The following LUZP2 variants were observed in gnomAD, a reference collection of about 807,000 sequenced individuals.
LUZP2 encodes leucine zipper protein 2.
In LUZP2, 52 loss-of-function variants were observed where a neutral mutation model predicts 51.6. The ratio of observed to expected loss-of-function variants is 1.01; its 90% CI spans 0.81 to 1.27. The LOEUF is 1.27. LUZP2 is among the 50% of genes most tolerant of loss of function. The pLI, the probability that LUZP2 is intolerant of heterozygous loss-of-function variation, is 0.00. For synonymous variants in LUZP2, 154 were observed against 137.3 expected, an observed-to-expected ratio of 1.12 and a Z score of -0.85; for missense variants, 436 against 395.4, an observed-to-expected ratio of 1.10 and a Z score of -0.87.
Position 24,729,211 on chromosome 11 carries a change from T to C in LUZP2, c.105T>C (p.Phe35=). ...TAGAAAAGCAGCTGAAAGAAGTCTT[T>C]AAGGAGCGAAGCACCATTCTTCGTC... ...EELEKQLKEV[F]KERSTILRQL... Residue 35 remains phenylalanine, a synonymous_variant, in exon 2 of 12, where the codon TTT becomes TTC. Coordinates refer to ENST00000336930, the MANE Select transcript of LUZP2 (RefSeq NM_001009909.4). The C allele has an allele frequency of 1.3e-6, 2 of 1,579,520 alleles. No homozygotes were observed. Among genetic ancestry groups the C allele is most frequent in the Non-Finnish European group, 1.7e-6 (2 of 1,156,914 alleles).
At chr11:24,550,189 TTGCTATA>T (rs1851683579) in intron 1 of LUZP2, among the ~76,000 whole-genome samples, 1 of 152,104 alleles carries the variant, frequency 6.6e-6, no homozygotes, top group Admixed American at 6.6e-5. Context: ...CTGATACTAA[TTGCTATA>T]AATGTCAGTG....
At chr11:24,509,255 C>G (rs989272984) in intron 1 of LUZP2, among the ~76,000 whole-genome samples, 1 of 152,034 alleles carries the variant, frequency 6.6e-6, no homozygotes, top group Admixed American at 6.6e-5. Flanking sequence ...ATGATAATAA[C>G]AGCCAGATTT....
intron 10 of LUZP2, among the ~76,000 whole-genome samples, chr11:25,073,946 C>T (rs1489206170): frequency 6.6e-6 from 1 of 152,188 alleles, no homozygotes; most frequent in Non-Finnish European, 1.5e-5. Flanking sequence ...ACCCATTTTA[C>T]AGCCAAAGAA....
chr11:25,028,768 T>C (rs1404720083), intron 9 of LUZP2, among the ~76,000 whole-genome samples: 1 of 152,138 alleles, frequency 6.6e-6, no homozygotes, highest in Non-Finnish European at 1.5e-5. Context: ...CATAAGATAG[T>C]CCTAGGGTCT....
At chr11:25,013,441 T>C (rs1857037652) in intron 9 of LUZP2, among the ~76,000 whole-genome samples, 2 of 152,160 alleles carry the variant, frequency 1.3e-5, no homozygotes, top group South Asian at 2.1e-4. Context: ...GAAAATTAAT[T>C]AATTAGTTTA....
chr11:24,999,237 T>C (rs552767181), intron 9 of LUZP2, among the ~76,000 whole-genome samples: 1 of 152,236 alleles, frequency 6.6e-6, no homozygotes, highest in South Asian at 2.1e-4. Flanking sequence ...CCTTCAATTA[T>C]ACTTCTAAAA....
intron 9 of LUZP2, among the ~76,000 whole-genome samples, chr11:25,027,717 A>G (rs984617252): frequency 2.4e-4 from 36 of 152,080 alleles, no homozygotes; most frequent in Non-Finnish European, 5.1e-4. Flanking sequence ...TAAAAATAAA[A>G]AAATTAGCCG....
At chr11:24,704,530 C>T (rs924385959) in intron 1 of LUZP2, among the ~76,000 whole-genome samples, 6 of 151,126 alleles carry the variant, frequency 4.0e-5, no homozygotes, top group African/African-American at 1.2e-4. Flanking sequence ...TTAGTTTGCA[C>T]TGACATTACC....
intron 1 of LUZP2, among the ~76,000 whole-genome samples, chr11:24,694,129 T>A (rs1857165225): frequency 6.6e-6 from 1 of 152,046 alleles, no homozygotes; most frequent in Non-Finnish European, 1.5e-5. Flanking sequence ...AAGGCAACAG[T>A]TTTTAAATAT....
chr11:24,543,147 A>G lies in LUZP2; in HGVS notation c.62+45842A>G, dbSNP rs368825578. ...ATATTTAATTGTAGGACAGATAATT[A>G]TATTAGGTGGTTTCAATTTGTATAT... is the stretch of plus-strand genomic sequence containing the variant. On this transcript the variant is annotated intron_variant, in intron 1 of 11. Transcript: ENST00000336930. Among the ~76,000 whole-genome samples, 3 of 152,050 alleles carry G rather than the reference A, an allele frequency of 2.0e-5. No homozygotes were observed. The South Asian group carries it at 6.2e-4, about 31-fold the overall frequency.
intron 5 of LUZP2, among the ~76,000 whole-genome samples, chr11:24,877,697 A>G (rs1054990044): frequency 3.3e-5 from 5 of 152,054 alleles, no homozygotes; most frequent in Non-Finnish European, 7.4e-5. Flanking sequence ...CAGTTTTTCT[A>G]ACTATATTTT....
chr11:25,045,174 T>A (rs907692210), intron 9 of LUZP2, among the ~76,000 whole-genome samples: 2 of 151,976 alleles, frequency 1.3e-5, no homozygotes, highest in South Asian at 2.1e-4. Flanking sequence ...AACCTGCACG[T>A]TGTGCACATG....
intron 1 of LUZP2, among the ~76,000 whole-genome samples, chr11:24,584,197 G>A (rs74483719): frequency 0.01 from 1,571 of 152,190 alleles, 23 homozygotes; most frequent in African/African-American, 0.036. Flanking sequence ...GGACTTGTAT[G>A]GACAGACCAA....
chr11:24,519,933 A>T (rs1850590370), intron 1 of LUZP2, among the ~76,000 whole-genome samples: 1 of 152,238 alleles, frequency 6.6e-6, no homozygotes, highest in Non-Finnish European at 1.5e-5. Context: ...CTAGTAACTC[A>T]ATATAACAAC....
chr11:24,870,627 A>G (rs2134266089), intron 5 of LUZP2, among the ~76,000 whole-genome samples: 1 of 152,234 alleles, frequency 6.6e-6, no homozygotes, highest in East Asian at 1.9e-4. Context: ...CTTGCAATAA[A>G]TCCTCCAAAA....
intron 5 of LUZP2, among the ~76,000 whole-genome samples, chr11:24,806,536 CA>C (rs1360853127): frequency 6.6e-6 from 1 of 151,962 alleles, no homozygotes; most frequent in African/African-American, 2.4e-5. Flanking sequence ...AAGGGAGGAG[CA>C]TTAAGTTCAT....
Position 24,919,929 on chromosome 11 carries a change from A to C in LUZP2, c.522+5391A>C, listed in dbSNP as rs113412108. 4.7e-3 allele frequency among the ~76,000 whole-genome samples: 719 copies of C among 151,858 alleles called. 6 individuals are homozygous for C. Among genetic ancestry groups the C allele is most frequent in the Middle Eastern group, 0.024 (7 of 290 alleles). On this transcript the variant is annotated intron_variant, in intron 7 of 11. Transcript: ENST00000336930. ...ATGTTTTATTAAAGAAACAAAAATA[A>C]ATAATTGGTTAGCTAAGAAATTTTA...
At position 24,961,523 on chromosome 11, in the gene LUZP2, A is replaced by T. The variant is rs1377338998; in HGVS notation, c.523-15068A>T. 2.0e-5 allele frequency among the ~76,000 whole-genome samples: 3 copies of T among 151,702 alleles called. No individual in the cohort carries two copies. The East Asian group carries it at 5.8e-4, about 30-fold the overall frequency. ...GTAATGGCCTTCTTTGTCTCTTTTG[A>T]TCTTTGTTGGTTTAAAGTCTGTTTT... On this transcript the variant is annotated intron_variant, in intron 7 of 11. Coordinates refer to ENST00000336930, the MANE Select transcript of LUZP2 (RefSeq NM_001009909.4).
chr11:24,533,960 A>G (rs1405656168), intron 1 of LUZP2, among the ~76,000 whole-genome samples: 1 of 151,300 alleles, frequency 6.6e-6, no homozygotes, highest in East Asian at 1.9e-4. Context: ...AGCCACAGGG[A>G]CAGTAATCAC....
Sources: allele counts gnomAD v4.1 joint callset (sites outside exome capture counted in the v4.1 genomes callset), GRCh38; gene constraint gnomAD v4.1.1; transcripts MANE v1.5; gene names NCBI Gene and HGNC (gene_info 2026-07-23, HGNC 2026-07-21).